BCR: variants seen among roughly 807,000 people sequenced by gnomAD.
The protein encoded by BCR is breakpoint cluster region protein.
Under a neutral mutation model 138.6 loss-of-function variants are expected in BCR, and 58 were observed. The ratio of observed to expected loss-of-function variants is 0.42; its 90% CI spans 0.34 to 0.52. The LOEUF (loss-of-function observed/expected upper bound fraction) is 0.52, where lower values mean the gene tolerates loss of function less well. Ranked by LOEUF, BCR falls within the 20% of genes least tolerant of loss-of-function variation. BCR has a pLI of 0.06. For synonymous variants in BCR, 786 were observed against 730.1 expected (o/e 1.08, Z -1.23); for missense variants, 1,599 against 1,727.2 (o/e 0.93, Z 1.32).
Position 23,315,648 on chromosome 22 carries a change from A to C in BCR, c.*126A>C. 1.1e-6 allele frequency: 1 copy of C among 902,168 alleles called. No homozygotes were observed. Among genetic ancestry groups the C allele is most frequent in the South Asian group, 1.4e-5 (1 of 71,484 alleles). 55.9% of individuals were successfully genotyped at this position (902,168 alleles called of 1,614,324 possible). A position where few individuals can be genotyped will look rare whatever the true frequency, so the allele number is the denominator to read the frequency against. On this transcript the variant is annotated 3_prime_UTR_variant, in exon 23 of 23. Coordinates refer to ENST00000305877, the MANE Select transcript of BCR (RefSeq NM_004327.4). ...ACCCCCAAGTGTTGGGCCATCTGCC[A>C]AGAGACAGCGACCCAAAGCCGAAGG...
At chr22:23,204,831 C>T (rs2072593969) in intron 1 of BCR, among the ~76,000 whole-genome samples, 1 of 152,132 alleles carries the variant, frequency 6.6e-6, no homozygotes, top group Non-Finnish European at 1.5e-5. Flanking sequence ...ATGGGGGTGT[C>T]TGCCAGGGCG....
intron 1 of BCR, among the ~76,000 whole-genome samples, chr22:23,182,568 C>T (rs958045383): frequency 6.6e-6 from 1 of 152,210 alleles, no homozygotes; most frequent in Admixed American, 6.5e-5. Context: ...AACCTCCTTG[C>T]TATGTGCTCT....
intron 4 of BCR, chr22:23,263,034 G>A: frequency 1.3e-6 from 1 of 776,128 alleles, no homozygotes; most frequent in South Asian, 2.2e-5. Context: ...TGGGAAGGAG[G>A]AATGGAGGGT....
chr22:23,255,699 G>T (rs1460578956), intron 2 of BCR, among the ~76,000 whole-genome samples: 2 of 152,264 alleles, frequency 1.3e-5, no homozygotes, highest in African/African-American at 4.8e-5. Context: ...CCCACACCTG[G>T]CTCTGACTTG....
intron 2 of BCR, among the ~76,000 whole-genome samples, chr22:23,256,642 C>T (rs752160707): frequency 4.6e-5 from 7 of 152,238 alleles, no homozygotes; most frequent in African/African-American, 7.2e-5. Flanking sequence ...GCCTGCCCCT[C>T]GCAGTAAGGG....
chr22:23,297,417 T>G lies in BCR; in HGVS notation c.3012+2262T>G, dbSNP rs528448604. Among the ~76,000 whole-genome samples, 8 of 152,138 alleles carry G rather than the reference T, an allele frequency of 5.3e-5. No homozygotes were observed. The South Asian group carries it at 1.7e-3, about 32-fold the overall frequency. Reference sequence around the variant, plus strand: ...CCCATTCGGTCCTTGCAGCAGATCTTTGAGAGAGCTCATTTGACACTCAGG... The same window carrying G: ...CCCATTCGGTCCTTGCAGCAGATCTGTGAGAGAGCTCATTTGACACTCAGG... On this transcript the variant is annotated intron_variant, in intron 16 of 22. Transcript: ENST00000305877.
intron 8 of BCR, among the ~76,000 whole-genome samples, chr22:23,282,081 C>T (rs576554022): frequency 2.1e-4 from 32 of 152,354 alleles, no homozygotes; most frequent in African/African-American, 6.7e-4. Flanking sequence ...AGAAGGAAGG[C>T]GCCTGAGACC....
intron 5 of BCR, 116 bp from the exon 6 acceptor site, chr22:23,271,416 T>C: frequency 3.9e-6 from 4 of 1,031,324 alleles, no homozygotes; most frequent in African/African-American, 1.6e-5. Context: ...CAGCTCAGAA[T>C]GCACCTGGGG....
chr22:23,288,059 G>A, intron 11 of BCR, 38 bp from the exon 12 acceptor site: 1 of 1,599,814 alleles, frequency 6.3e-7, no homozygotes, highest in Non-Finnish European at 8.6e-7. Context: ...CGTAGCCAGG[G>A]CGGAGATAAC....
chr22:23,203,332 CTT>C (rs1225339849), intron 1 of BCR, among the ~76,000 whole-genome samples: 3 of 149,418 alleles, frequency 2.0e-5, no homozygotes, highest in African/African-American at 7.7e-5. Context: ...ACTGCCTGCT[CTT>C]TTTTGACTTT....
chr22:23,183,572 T>C (rs77012376), intron 1 of BCR, among the ~76,000 whole-genome samples: 4,614 of 152,304 alleles, frequency 0.03, 249 homozygotes, highest in African/African-American at 0.11. Context: ...AAGGCTGTAC[T>C]ATTCAGAAGC....
rs184819471 is a variant in BCR at position 23,210,659 on chromosome 22, C to T, written c.1279+28420C>T. On this transcript the variant is annotated intron_variant, in intron 1 of 22. Transcript: ENST00000305877. Reference sequence around the variant, plus strand: ...TCCTTGTAGGCATTTCTCCTACTTGCAGCCCACGACACCACTGATGTGCTT... The same window carrying T: ...TCCTTGTAGGCATTTCTCCTACTTGTAGCCCACGACACCACTGATGTGCTT... 3.0e-3 allele frequency among the ~76,000 whole-genome samples: 455 copies of T among 152,304 alleles called. 2 individuals are homozygous for T. Among genetic ancestry groups the T allele is most frequent in the Middle Eastern group, 6.8e-3 (2 of 294 alleles).
chr22:23,294,566 A>G (rs758203655), intron 15 of BCR, among the ~76,000 whole-genome samples: 3 of 151,976 alleles, frequency 2.0e-5, no homozygotes, highest in African/African-American at 4.8e-5. Flanking sequence ...ACGCCATACT[A>G]TTTTTCGTAT....
chr22:23,212,894 C>T (rs1473793235), intron 1 of BCR, among the ~76,000 whole-genome samples: 2 of 152,220 alleles, frequency 1.3e-5, no homozygotes, highest in African/African-American at 4.8e-5. Flanking sequence ...ATTACTTGGT[C>T]ATAAATCAGT....
chr22:23,183,172 T>A (rs780686729), intron 1 of BCR, among the ~76,000 whole-genome samples: 6 of 152,226 alleles, frequency 3.9e-5, no homozygotes, highest in Non-Finnish European at 8.8e-5. Context: ...TCAGGCATTT[T>A]GGGTCATGGG....
intron 1 of BCR, among the ~76,000 whole-genome samples, chr22:23,212,631 A>C (rs1468621357): frequency 6.6e-6 from 1 of 152,208 alleles, no homozygotes; most frequent in Non-Finnish European, 1.5e-5. Flanking sequence ...CTGGGGACAC[A>C]GGGGCCTTTT....
chr22:23,227,706 A>G (rs1431280571), intron 1 of BCR, among the ~76,000 whole-genome samples: 2 of 152,240 alleles, frequency 1.3e-5, no homozygotes, highest in Admixed American at 6.5e-5. Flanking sequence ...TTAGATCACA[A>G]TAGTACTGCC....
rs2074037777 is a variant in BCR, at chr22:23,314,016, T to G, written c.3506T>G (p.Leu1169Arg). 1 of 1,614,040 alleles carries G rather than the reference T, an allele frequency of 6.2e-7. No homozygotes were observed. The highest frequency in any genetic ancestry group is 8.5e-7 in the Non-Finnish European group (1 of 1,180,024). The stretch of plus-strand genomic sequence containing the variant: ...GAGAGCTGCATGCTCAACCTGCTGC[T>G]GTCCCTGCCGGAGGCCAACCTGCTC... The part of the protein sequence containing the change: ...AKESCMLNLL[L>R]SLPEANLLTF... Residue 1169 changes from leucine (L) to arginine (R), a missense_variant, in exon 21 of 23, where the codon CTG becomes CGG. This residue lies in a region of BCR where 177 missense variants were observed against 226.4 expected (regional missense o/e 0.78). Coordinates refer to ENST00000305877, the MANE Select transcript of BCR (RefSeq NM_004327.4).
chr22:23,195,439 A>AAT (rs1297673672), intron 1 of BCR, among the ~76,000 whole-genome samples: 3 of 150,982 alleles, frequency 2.0e-5, no homozygotes, highest in Non-Finnish European at 4.4e-5. Context: ...AAAAAAAAAA[A>AAT]ATATCAGCTG....
Sources: allele counts gnomAD v4.1 joint callset (sites outside exome capture counted in the v4.1 genomes callset), GRCh38; gene constraint gnomAD v4.1.1; regional missense constraint gnomAD v4.1.1; transcripts MANE v1.5; gene names NCBI Gene and HGNC (gene_info 2026-07-23, HGNC 2026-07-21).